MLLT1: variants seen among roughly 807,000 people sequenced by gnomAD.
The protein encoded by MLLT1 is MLLT1 super elongation complex subunit.
A neutral mutation model predicts 55.1 loss-of-function variants in MLLT1; 11 were observed. That is an observed-to-expected ratio of 0.20 (90% CI 0.13 to 0.33). The LOEUF (loss-of-function observed/expected upper bound fraction) is 0.33. MLLT1 is among the 10% of genes least tolerant of loss of function. The probability of loss-of-function intolerance (pLI) is 1.00; values close to 1 mark genes in which losing one functional copy is unlikely to be tolerated. For synonymous variants in MLLT1, 323 were observed against 320.1 expected (o/e 1.01, Z -0.10); for missense variants, 536 against 760.6 (o/e 0.70, Z 3.47).
chr19:6,232,417 C>A (rs1378292662), intron 3 of MLLT1, among the ~76,000 whole-genome samples: 1 of 152,136 alleles, frequency 6.6e-6, no homozygotes, highest in African/African-American at 2.4e-5. Flanking sequence ...CCCTACTCCA[C>A]CCACACACAG....
rs2091448985 is a variant in MLLT1, at chr19:6,279,763, C to G, written c.12+10G>C. ...GCGGGCTGCGCAGGGGCGGCGCGGC[C>G]GCTCCTCACCTGATTGTCCATGGCT... On this transcript the variant is annotated intron_variant, in intron 1 of 11. Transcript: ENST00000252674. 1 of 147,972 alleles carries G rather than the reference C, an allele frequency of 6.8e-6. No homozygotes were observed. The highest frequency in any genetic ancestry group is 1.8e-4 in the South Asian group (1 of 5,676). 9.2% of individuals were successfully genotyped at this position (147,972 alleles called of 1,614,324 possible).
chr19:6,215,489 G>T (rs2090832874), intron 8 of MLLT1, among the ~76,000 whole-genome samples: 1 of 152,204 alleles, frequency 6.6e-6, no homozygotes. Flanking sequence ...GTGAGCCACT[G>T]CTCCTGCTCT....
Position 6,212,983 on chromosome 19 carries a change from G to A in MLLT1, c.*59C>T, listed in dbSNP as rs552882897. Reference sequence around the variant, plus strand: ...GGCGAGACGGGAGAGGAGGGCAGGCGAGGCCTGGCTGCAGCCTCCCAGGAC... The same window carrying A: ...GGCGAGACGGGAGAGGAGGGCAGGCAAGGCCTGGCTGCAGCCTCCCAGGAC... On this transcript the variant is annotated 3_prime_UTR_variant, in exon 12 of 12. Coordinates refer to ENST00000252674, the MANE Select transcript of MLLT1 (RefSeq NM_005934.4). 4.4e-5 allele frequency: 71 copies of A among 1,597,198 alleles called. 1 individual carries two copies. Among genetic ancestry groups the A allele is most frequent in the East Asian group, 1.8e-4 (8 of 44,704 alleles).
Position 6,240,655 on chromosome 19 carries a change from G to A in MLLT1, c.277-9942C>T, listed in dbSNP as rs1347530700. On this transcript the variant is annotated intron_variant, in intron 3 of 11. Transcript: ENST00000252674. The surrounding 1 kb of genome is among the most constrained non-coding windows in gnomAD (Gnocchi z 4.7). Reference sequence around the variant, plus strand: ...AACCCTACAGCTCTCAGATTCAAAAGCGCTGTGGGGGTGATGTCAGACGCA... The same window carrying A: ...AACCCTACAGCTCTCAGATTCAAAAACGCTGTGGGGGTGATGTCAGACGCA... Among the ~76,000 whole-genome samples, 2 of 152,134 alleles carry A rather than the reference G, an allele frequency of 1.3e-5. No homozygotes were observed. The highest frequency in any genetic ancestry group is 4.8e-5 in the African/African-American group (2 of 41,418).
chr19:6,263,275 A>C (rs2144943594), intron 2 of MLLT1: 1 of 152,502 alleles, frequency 6.6e-6, no homozygotes, highest in Admixed American at 6.5e-5. Context: ...AGAACAGAGG[A>C]AGGGTGGCCT....
chr19:6,233,534 G>A (rs1412709830), intron 3 of MLLT1, among the ~76,000 whole-genome samples: 4 of 152,198 alleles, frequency 2.6e-5, no homozygotes, highest in Non-Finnish European at 5.9e-5. Flanking sequence ...GCTTGGGTAA[G>A]GACATGGAAG....
chr19:6,228,860 A>T (rs773099654), intron 4 of MLLT1, among the ~76,000 whole-genome samples: 20 of 152,082 alleles, frequency 1.3e-4, no homozygotes, highest in Non-Finnish European at 2.1e-4. Flanking sequence ...CAGAGCGCCC[A>T]GCGCCTGGGG....
Position 6,212,259 on chromosome 19 carries a change from C to G in MLLT1, c.*783G>C. The G allele has an allele frequency of 3.8e-6, 4 of 1,065,002 alleles. No homozygotes were observed. The highest frequency in any genetic ancestry group is 4.5e-6 in the Non-Finnish European group (4 of 879,248). The allele number at this position is 1,065,002 out of a possible 1,614,324, so 66.0% of individuals were successfully genotyped here. On this transcript the variant is annotated 3_prime_UTR_variant, in exon 12 of 12. Transcript: ENST00000252674. Reference sequence around the variant, plus strand: ...CCTTTGTAGTGTTGGCTGACCCCCCCGGGAGCCCCGGTAGGAGGCGGCGGC... The same window carrying G: ...CCTTTGTAGTGTTGGCTGACCCCCCGGGGAGCCCCGGTAGGAGGCGGCGGC...
chr19:6,220,301 GC>G (rs1199325620), intron 6 of MLLT1, among the ~76,000 whole-genome samples: 2 of 152,232 alleles, frequency 1.3e-5, no homozygotes, highest in Non-Finnish European at 2.9e-5. Context: ...CTTCGGTGAA[GC>G]CCCCGGGGGA....
At chr19:6,272,108 TC>T (rs1299148340) in intron 1 of MLLT1, among the ~76,000 whole-genome samples, 8 of 151,262 alleles carry the variant, frequency 5.3e-5, no homozygotes, top group African/African-American at 1.9e-4. Context: ...GTTAAAGCTT[TC>T]CACGGCTTGT....
At position 6,216,874 on chromosome 19, in the gene MLLT1, G is replaced by A. The variant is rs540184441; in HGVS notation, c.1199-361C>T. ...AAGCTCTGCCGAGAGCCCAGGGAGG[G>A]CGAGGGAGCCACAGCCTGGCTGGGA... On this transcript the variant is annotated intron_variant, in intron 7 of 11. Coordinates refer to ENST00000252674, the MANE Select transcript of MLLT1 (RefSeq NM_005934.4). The A allele has an allele frequency of 2.2e-3, 496 of 226,778 alleles. 2 individuals carry two copies. Among genetic ancestry groups the A allele is most frequent in the African/African-American group, 0.011 (458 of 43,116 alleles). The allele number at this position is 226,778 out of a possible 1,614,324, so 14.0% of individuals were successfully genotyped here.
At chr19:6,277,911 GAA>G (rs1469252364) in intron 1 of MLLT1, among the ~76,000 whole-genome samples, 1 of 152,214 alleles carries the variant, frequency 6.6e-6, no homozygotes, top group Non-Finnish European at 1.5e-5. Context: ...CCACGCCGTG[GAA>G]ATCCACCAAT....
At chr19:6,236,287 T>G (rs567421896) in intron 3 of MLLT1, among the ~76,000 whole-genome samples, 10 of 152,280 alleles carry the variant, frequency 6.6e-5, no homozygotes, top group African/African-American at 2.2e-4. Context: ...TTCTAAGCAC[T>G]CAGCGGATAC....
At chr19:6,213,631 TG>T in intron 10 of MLLT1, 94 bp downstream of exon 10, 1 of 1,237,318 alleles carries the variant, frequency 8.1e-7, no homozygotes, top group Non-Finnish European at 1.2e-6. Flanking sequence ...AGTCCAACTG[TG>T]GGGTGTTGGG....
chr19:6,253,685 C>T (rs919194915), intron 3 of MLLT1, among the ~76,000 whole-genome samples: 1 of 152,154 alleles, frequency 6.6e-6, no homozygotes, highest in South Asian at 2.1e-4. Flanking sequence ...ACATAAAAAT[C>T]CATCAGCGTA....
At chr19:6,260,760 C>T (rs10404928) in intron 3 of MLLT1, among the ~76,000 whole-genome samples, 3,391 of 152,306 alleles carry the variant, frequency 0.022, 139 homozygotes, top group African/African-American at 0.078. Flanking sequence ...GTGGGAGGAT[C>T]GCTTGAGCCT....
In MLLT1 at chr19:6,218,010, G is replaced by C. The variant is rs752032744; in HGVS notation, c.1142C>G (p.Ser381Cys). The C allele has an allele frequency of 3.1e-6, 5 of 1,610,018 alleles. No individual in the cohort carries two copies. The South Asian group carries it at 5.5e-5, about 18-fold the overall frequency. The change falls in exon 7 of 12, where the codon TCC becomes TGC. Residue 381 changes from serine (S) to cysteine (C), a missense_variant. Physicochemically the swap from Ser to Cys is moderately radical, Grantham distance 112. Transcript: ENST00000252674. ...TGAGTCTGAGCTGGAGTCTGAGCTG[G>C]AGCTGGAGTTGGACGGGCTTGACTG... ...SAQSSPSNSS[S>C]SSDSSSDSDF...
chr19:6,279,822 TCGCCGCCGCCGC>T lies in MLLT1; in HGVS notation c.-50_-39del, dbSNP rs898522554. 4.7e-4 allele frequency: 70 copies of T among 148,432 alleles called. No individual in the cohort carries two copies. The South Asian group carries it at 0.011, about 23-fold the overall frequency. 9.2% of individuals were successfully genotyped at this position (148,432 alleles called of 1,614,324 possible). A position where few individuals can be genotyped will look rare whatever the true frequency, so the allele number is the denominator to read the frequency against. On this transcript the variant is annotated 5_prime_UTR_variant, in exon 1 of 12. Transcript: ENST00000252674. ...GCCCCGCCCCCGGGCCCCGCGTCGC[TCGCCGCCGCCGC>T]CGCCGCCGCCGCCGCTCAACGCCGC...
intron 10 of MLLT1, 34 bp from the exon 11 acceptor site, chr19:6,213,442 G>C (rs2144839695): frequency 6.5e-7 from 1 of 1,544,062 alleles, no homozygotes; most frequent in Admixed American, 1.7e-5. Flanking sequence ...GCAGCGTGTG[G>C]GGGCCCTGGA....
Sources: gnomAD v4.1 joint callset for allele counts (sites outside exome capture counted in the v4.1 genomes callset) on GRCh38, gnomAD v4.1.1 for gene constraint, Gnocchi (gnomAD v3.1) non-coding constraint, MANE v1.5 for transcripts, NCBI Gene and HGNC (gene_info 2026-07-23, HGNC 2026-07-21) for gene names.